The following SPTBN1 variants were observed in gnomAD, a reference collection of about 807,000 sequenced individuals.
SPTBN1 encodes the protein spectrin beta, non-erythrocytic 1, also known as spectrin beta chain, non-erythrocytic 1.
Under a neutral mutation model 266.4 loss-of-function variants are expected in SPTBN1, and 32 were observed. The observed-to-expected ratio is 0.12, with a 90% CI of 0.09 to 0.16. The LOEUF (loss-of-function observed/expected upper bound fraction) is 0.16. SPTBN1 is among the 10% of genes least tolerant of loss of function. The probability of loss-of-function intolerance (pLI) is 1.00; values close to 1 mark genes in which losing one functional copy is unlikely to be tolerated. For synonymous variants in SPTBN1, 1,336 were observed against 1,162.2 expected (o/e 1.15, Z -3.04); for missense variants, 2,296 against 3,067.1 (o/e 0.75, Z 5.94).
intron 2 of SPTBN1, among the ~76,000 whole-genome samples, chr2:54,539,868 G>A (rs73934327): frequency 9.0e-6 from 1 of 111,654 alleles, no homozygotes; most frequent in Non-Finnish European, 1.9e-5. Flanking sequence ...AAAACATTAT[G>A]AGCTGAATGT....
intron 17 of SPTBN1, among the ~76,000 whole-genome samples, chr2:54,633,857 C>A (rs1235033460): frequency 6.6e-6 from 1 of 152,140 alleles, no homozygotes; most frequent in Admixed American, 6.5e-5. Context: ...CTGTCTTTAC[C>A]ACTTCCAATC....
Position 54,649,818 on chromosome 2 carries a change from C to G in SPTBN1, c.5406C>G (p.Ala1802=). 1.2e-6 allele frequency: 2 copies of G among 1,614,166 alleles called. No homozygotes were observed. The highest frequency in any genetic ancestry group is 1.7e-6 in the Non-Finnish European group (2 of 1,180,028). ...ELIDTRTQIL[A]ASYELHKFYH... Reference sequence around the variant, plus strand: ...TTGACACAAGAACACAGATTCTTGCCGCTTCCTATGAACTGCACAAGTTTT... The same window carrying G: ...TTGACACAAGAACACAGATTCTTGCGGCTTCCTATGAACTGCACAAGTTTT... Residue 1802 remains alanine, a synonymous_variant, in exon 26 of 36, where the codon GCC becomes GCG. Transcript: ENST00000356805. This position sits in a 1 kb window ranked among gnomAD's most constrained non-coding sequence, Gnocchi z 6.7.
At chr2:54,468,760 TTC>T (rs1693770085) in intron 1 of SPTBN1, among the ~76,000 whole-genome samples, 1 of 152,226 alleles carries the variant, frequency 6.6e-6, no homozygotes, top group Non-Finnish European at 1.5e-5. Flanking sequence ...ATAATGTGCT[TTC>T]TGTTTTGTTC....
intron 1 of SPTBN1, among the ~76,000 whole-genome samples, chr2:54,477,891 A>C (rs1054637880): frequency 6.6e-6 from 1 of 151,400 alleles, no homozygotes; most frequent in Non-Finnish European, 1.5e-5. Flanking sequence ...AGCCTGGGTG[A>C]CAGAGTAAGA....
At chr2:54,576,221 A>G (rs1674467578) in intron 2 of SPTBN1, among the ~76,000 whole-genome samples, 2 of 151,668 alleles carry the variant, frequency 1.3e-5, no homozygotes, top group Admixed American at 1.3e-4. Context: ...CTCCCGGCTA[A>G]TGTTTGTATT....
At chr2:54,615,342 A>G (rs898409306) in intron 4 of SPTBN1, among the ~76,000 whole-genome samples, 2 of 152,182 alleles carry the variant, frequency 1.3e-5, no homozygotes, top group East Asian at 1.9e-4. Context: ...GCTGGAGGCA[A>G]TGGATGGACT....
In SPTBN1 at chr2:54,661,546, T is replaced by C. The variant is rs577390187; in HGVS notation, c.6420+1547T>C. 1.2e-5 allele frequency: 12 copies of C among 985,882 alleles called. No homozygotes were observed. The East Asian group carries it at 1.2e-3, about 102-fold the overall frequency. 61.1% of individuals were successfully genotyped at this position (985,882 alleles called of 1,614,324 possible). A position where few individuals can be genotyped will look rare whatever the true frequency, so the allele number is the denominator to read the frequency against. On this transcript the variant is annotated intron_variant, in intron 32 of 35. Transcript: ENST00000356805. ...GACTGTAGATGGGTATATAGATAGA[T>C]GCCAAGCTTCTTATGTTCTGGGGGT...
chr2:54,485,709 C>A (rs1156928457), intron 1 of SPTBN1, among the ~76,000 whole-genome samples: 4 of 150,482 alleles, frequency 2.7e-5, no homozygotes, highest in Admixed American at 1.3e-4. Context: ...AAGTGAGGAG[C>A]GTCTCTGCCC....
intron 2 of SPTBN1, among the ~76,000 whole-genome samples, chr2:54,565,428 C>T (rs1449943492): frequency 6.6e-6 from 1 of 152,218 alleles, no homozygotes; most frequent in African/African-American, 2.4e-5. Context: ...TCTGTCTCAG[C>T]CACCTCTTCT....
rs1413163622 is a variant in SPTBN1, at chr2:54,612,298, C to A, written c.438C>A (p.Thr146=). 2 of 1,613,910 alleles carry A rather than the reference C, an allele frequency of 1.2e-6. No individual in the cohort carries two copies. Among genetic ancestry groups the A allele is most frequent in the Admixed American group, 1.7e-5 (1 of 60,022 alleles). The part of the protein sequence containing the change: ...HDIVDGNHRL[T]LGLIWTIILR... ...TCGTGGATGGAAACCACCGGCTGAC[C>A]CTTGGCCTCATCTGGACCATCATCC... The change falls in exon 4 of 36, where the codon ACC becomes ACA. Residue 146 remains threonine, a synonymous_variant. Transcript: ENST00000356805.
At chr2:54,482,358 A>G (rs982134454) in intron 1 of SPTBN1, among the ~76,000 whole-genome samples, 3 of 33,508 alleles carry the variant, frequency 9.0e-5, no homozygotes, top group African/African-American at 3.4e-4. Context: ...CTACAGCAGG[A>G]AAAAAAAAAA....
intron 1 of SPTBN1, among the ~76,000 whole-genome samples, chr2:54,487,981 C>T (rs1226270500): frequency 6.6e-6 from 1 of 151,840 alleles, no homozygotes; most frequent in Non-Finnish European, 1.5e-5. Context: ...AGGCGCCTGC[C>T]ACCACACCCG....
At chr2:54,609,341 A>T (rs572099352) in intron 3 of SPTBN1, among the ~76,000 whole-genome samples, 4 of 152,188 alleles carry the variant, frequency 2.6e-5, no homozygotes, top group Non-Finnish European at 4.4e-5. Flanking sequence ...CCTTTTTGCC[A>T]TATCCACAAC....
chr2:54,615,651 A>G (rs1389007868), intron 4 of SPTBN1, among the ~76,000 whole-genome samples: 3 of 152,192 alleles, frequency 2.0e-5, no homozygotes, highest in African/African-American at 7.2e-5. Context: ...CTGGATTCAC[A>G]TCCAGGCAGT....
At chr2:54,514,097 A>C (rs986651279) in intron 1 of SPTBN1, among the ~76,000 whole-genome samples, 1 of 152,248 alleles carries the variant, frequency 6.6e-6, no homozygotes, top group Non-Finnish European at 1.5e-5. Flanking sequence ...CAGGGACTCA[A>C]ATAATAAATC....
intron 1 of SPTBN1, among the ~76,000 whole-genome samples, chr2:54,468,958 G>A (rs1350072833): frequency 6.6e-6 from 1 of 152,176 alleles, no homozygotes; most frequent in African/African-American, 2.4e-5. Context: ...AATTTTACTG[G>A]GCTGGGTTTG....
Position 54,657,730 on chromosome 2 carries a change from A to G in SPTBN1, c.6047-120A>G, listed in dbSNP as rs1318475193. ...ACATTGGACAGGGCTAATTTAGAGT[A>G]GACGATAGACTGGTTATGCAGGTAG... On this transcript the variant is annotated intron_variant, in intron 29 of 35. Coordinates refer to ENST00000356805, the MANE Select transcript of SPTBN1 (RefSeq NM_003128.3). The G allele has an allele frequency of 8.4e-6, 10 of 1,188,774 alleles. No homozygotes were observed. The East Asian group carries it at 1.7e-4, about 20-fold the overall frequency. The allele number at this position is 1,188,774 out of a possible 1,614,324, so 73.6% of individuals were successfully genotyped here.
intron 1 of SPTBN1, among the ~76,000 whole-genome samples, chr2:54,514,199 G>A (rs1188016709): frequency 6.6e-6 from 1 of 152,110 alleles, no homozygotes. Flanking sequence ...ACCGTTTTTT[G>A]TTATAGAGTG....
At chr2:54,505,761 A>G (rs1304512999) in intron 1 of SPTBN1, among the ~76,000 whole-genome samples, 1 of 152,104 alleles carries the variant, frequency 6.6e-6, no homozygotes, top group Non-Finnish European at 1.5e-5. Context: ...CTGTTGCTTC[A>G]CATTGAGCTT....
Sources: allele counts gnomAD v4.1 joint callset (sites outside exome capture counted in the v4.1 genomes callset), GRCh38; gene constraint gnomAD v4.1.1; non-coding constraint Gnocchi (gnomAD v3.1); transcripts MANE v1.5; gene names NCBI Gene and HGNC (gene_info 2026-07-23, HGNC 2026-07-21).